KPNA6: variants seen among roughly 807,000 people sequenced by gnomAD.
KPNA6 encodes karyopherin subunit alpha 6.
Under a neutral mutation model 72.0 loss-of-function variants are expected in KPNA6, and 9 were observed. The ratio of observed to expected loss-of-function variants is 0.13; its 90% CI spans 0.08 to 0.22. The LOEUF is 0.22. KPNA6 is among the 10% of genes least tolerant of loss of function. The pLI is 1.00. For missense variants in KPNA6, 374 were observed against 655.7 expected, an observed-to-expected ratio of 0.57 and a Z score of 4.69; for synonymous variants, 219 against 242.1, an observed-to-expected ratio of 0.90 and a Z score of 0.89.
At chr1:32,149,675 G>A (rs1287420796) in intron 1 of KPNA6, among the ~76,000 whole-genome samples, 1 of 152,000 alleles carries the variant, frequency 6.6e-6, no homozygotes, top group Non-Finnish European at 1.5e-5. Flanking sequence ...TCATTTTGTG[G>A]ATATCCGAGT....
Position 32,114,451 on chromosome 1 carries a change from AATATAT to A in KPNA6, c.4+6334_4+6339del, listed in dbSNP as rs1553125089. 4.8e-5 allele frequency among the ~76,000 whole-genome samples: 7 copies of A among 145,550 alleles called. 1 individual carries two copies. The highest frequency in any genetic ancestry group is 2.2e-4 in the South Asian group (1 of 4,628). ...AACGAAACTCTGTCTCAAAAAAAAA[AATATAT>A]ATATATATATATATATTCAGTAAAT... On this transcript the variant is annotated intron_variant, in intron 1 of 13. Coordinates refer to ENST00000373625, the MANE Select transcript of KPNA6 (RefSeq NM_012316.5).
intron 1 of KPNA6, among the ~76,000 whole-genome samples, chr1:32,147,919 G>C (rs1396428828): frequency 6.6e-6 from 1 of 151,850 alleles, no homozygotes; most frequent in African/African-American, 2.4e-5. Flanking sequence ...GCCTGCCTTG[G>C]CCTCCCAGAG....
Position 32,108,074 on chromosome 1 carries a change from T to G in KPNA6, c.-57T>G. 1 of 1,613,578 alleles carries G rather than the reference T, an allele frequency of 6.2e-7. No individual in the cohort carries two copies. The highest frequency in any genetic ancestry group is 8.5e-7 in the Non-Finnish European group (1 of 1,179,672). On this transcript the variant is annotated 5_prime_UTR_variant, in exon 1 of 14. Coordinates refer to ENST00000373625, the MANE Select transcript of KPNA6 (RefSeq NM_012316.5). ...ATCCGCCATATTGTCTACTGAAAGC[T>G]GCCGCTGAAGCTGCCGCCGTTGCCT...
intron 1 of KPNA6, among the ~76,000 whole-genome samples, chr1:32,130,457 G>C (rs1641617577): frequency 6.6e-6 from 1 of 152,024 alleles, no homozygotes; most frequent in South Asian, 2.1e-4. Context: ...CAGTTGGTTT[G>C]ATAAGTTGAT....
chr1:32,124,430 C>T (rs1330002923), intron 1 of KPNA6, among the ~76,000 whole-genome samples: 4 of 151,206 alleles, frequency 2.6e-5, no homozygotes, highest in Admixed American at 2.6e-4. Flanking sequence ...AATCCCAGCA[C>T]TTTGGGAGGC....
At chr1:32,128,426 T>TATATATATACAC (rs1491304508) in intron 1 of KPNA6, among the ~76,000 whole-genome samples, 2 of 99,170 alleles carry the variant, frequency 2.0e-5, no homozygotes, top group East Asian at 3.2e-4. Flanking sequence ...TATATATATA[T>TATATATATACAC]ACACACACAC....
chr1:32,110,354 C>G lies in KPNA6; in HGVS notation c.4+2220C>G, dbSNP rs143005076. ...TGCTGGGATTACAGGCATGAGCCAC[C>G]GCGCCTGGCCTGGAATTGGATTTTT... On this transcript the variant is annotated intron_variant, in intron 1 of 13. Transcript: ENST00000373625. Among the ~76,000 whole-genome samples the G allele has an allele frequency of 2.6e-5, 4 of 152,058 alleles. No individual in the cohort carries two copies. In the East Asian group the frequency reaches 7.7e-4, roughly 29 times the overall value.
intron 1 of KPNA6, among the ~76,000 whole-genome samples, chr1:32,150,050 TTTTC>T (rs1036449009): frequency 6.6e-6 from 1 of 152,022 alleles, no homozygotes; most frequent in Non-Finnish European, 1.5e-5. Flanking sequence ...TGTCTTGTGA[TTTTC>T]TTTGTTTTTA....
intron 1 of KPNA6, among the ~76,000 whole-genome samples, chr1:32,145,770 A>G (rs760390342): frequency 2.0e-5 from 3 of 152,188 alleles, no homozygotes; most frequent in Non-Finnish European, 2.9e-5. Flanking sequence ...TCTCAATTCT[A>G]TTCTGTATGT....
intron 1 of KPNA6, among the ~76,000 whole-genome samples, chr1:32,128,424 T>C (rs59861434): frequency 0.1 from 11,611 of 112,944 alleles, 775 homozygotes; most frequent in East Asian, 0.22. Context: ...TATATATATA[T>C]ATACACACAC....
At chr1:32,128,440 CAT>C (rs1294557888) in intron 1 of KPNA6, among the ~76,000 whole-genome samples, 2 of 122,896 alleles carry the variant, frequency 1.6e-5, no homozygotes, top group Admixed American at 8.2e-5. Context: ...CACACACACA[CAT>C]ATATATATAC....
chr1:32,166,582 G>A lies in KPNA6; in HGVS notation c.1116+352G>A, dbSNP rs144663299. On this transcript the variant is annotated intron_variant, in intron 11 of 13. Coordinates refer to ENST00000373625, the MANE Select transcript of KPNA6 (RefSeq NM_012316.5). Reference sequence around the variant, plus strand: ...AAAGGTTGCAGTGAGCTGAGATCACGCCACTGCACTCCAGCCTGGGCAACA... The same window carrying A: ...AAAGGTTGCAGTGAGCTGAGATCACACCACTGCACTCCAGCCTGGGCAACA... Among the ~76,000 whole-genome samples, 736 of 145,152 alleles carry A rather than the reference G, an allele frequency of 5.1e-3. 2 individuals carry two copies. Among genetic ancestry groups the A allele is most frequent in the African/African-American group, 0.018 (694 of 38,696 alleles).
At chr1:32,145,098 GC>G in intron 1 of KPNA6, among the ~76,000 whole-genome samples, 1 of 151,672 alleles carries the variant, frequency 6.6e-6, no homozygotes, top group African/African-American at 2.4e-5. Flanking sequence ...GACTACAGGG[GC>G]CCGCCACCAC....
At chr1:32,161,605 T>C (rs1490374833) in intron 7 of KPNA6, among the ~76,000 whole-genome samples, 1 of 152,238 alleles carries the variant, frequency 6.6e-6, no homozygotes, top group Non-Finnish European at 1.5e-5. Context: ...GACTTTTAGC[T>C]TTTATTTCCA....
intron 1 of KPNA6, among the ~76,000 whole-genome samples, chr1:32,122,709 A>G (rs1461239304): frequency 1.3e-5 from 2 of 152,108 alleles, no homozygotes; most frequent in African/African-American, 4.8e-5. Flanking sequence ...TAATCCTAGT[A>G]CTTTGGGAGG....
intron 1 of KPNA6, among the ~76,000 whole-genome samples, chr1:32,143,847 G>A (rs1641885082): frequency 6.6e-6 from 1 of 152,166 alleles, no homozygotes. Flanking sequence ...AATATTTTGT[G>A]TCTTGCTTAT....
At chr1:32,147,566 G>C in intron 1 of KPNA6, among the ~76,000 whole-genome samples, 1 of 151,820 alleles carries the variant, frequency 6.6e-6, no homozygotes, top group South Asian at 2.1e-4. Flanking sequence ...CCAAAGTGCT[G>C]GGATTACAGG....
At chr1:32,127,066 T>C (rs1331891238) in intron 1 of KPNA6, among the ~76,000 whole-genome samples, 1 of 152,212 alleles carries the variant, frequency 6.6e-6, no homozygotes, top group East Asian at 1.9e-4. Flanking sequence ...ACCTCCTTAA[T>C]CCTACAGGGC....
At chr1:32,133,683 CAAAAA>C (rs1641681387) in intron 1 of KPNA6, among the ~76,000 whole-genome samples, 1 of 151,938 alleles carries the variant, frequency 6.6e-6, no homozygotes, top group Non-Finnish European at 1.5e-5. Context: ...AAACCTGTCT[CAAAAA>C]CAAAACAAAA....
Sources: allele counts gnomAD v4.1 joint callset (sites outside exome capture counted in the v4.1 genomes callset), GRCh38; gene constraint gnomAD v4.1.1; transcripts MANE v1.5; gene names NCBI Gene and HGNC (gene_info 2026-07-23, HGNC 2026-07-21).